The following ADGRL3 variants were observed in gnomAD, a reference collection of about 807,000 sequenced individuals.
ADGRL3 encodes the protein calcium-independent alpha-latrotoxin receptor 3.
A neutral mutation model predicts 153.5 loss-of-function variants in ADGRL3; 62 were observed. That is an observed-to-expected ratio of 0.40 (90% CI 0.33 to 0.50). The LOEUF (loss-of-function observed/expected upper bound fraction) is 0.50, where lower values mean the gene tolerates loss of function less well. ADGRL3 is among the 20% of genes least tolerant of loss of function. The pLI is 0.47. For missense variants in ADGRL3, 1,641 were observed against 1,859.4 expected (o/e 0.88, Z 2.16); for synonymous variants, 710 against 672.5 (o/e 1.06, Z -0.86).
intron 8 of ADGRL3, among the ~76,000 whole-genome samples, chr4:61,771,916 C>A (rs2097091826): frequency 6.6e-6 from 1 of 152,200 alleles, no homozygotes; most frequent in African/African-American, 2.4e-5. Context: ...ACAAGCTAGT[C>A]ATGCCAGTAG....
At position 61,644,767 on chromosome 4, in the gene ADGRL3, T is replaced by C. The variant is rs538813346; in HGVS notation, c.474-32059T>C. On this transcript the variant is annotated intron_variant, in intron 5 of 26. Coordinates refer to ENST00000683033, the MANE Select transcript of ADGRL3 (RefSeq NM_001387552.1). ...CTGAAAAAATGTATATTCTGTTGAT[T>C]TGGGGTGGAGAGTTCTGGAGATGTC... Among the ~76,000 whole-genome samples the C allele has an allele frequency of 3.3e-5, 5 of 152,292 alleles. No homozygotes were observed. In the South Asian group the frequency reaches 8.3e-4, roughly 25 times the overall value.
At chr4:61,877,804 C>A (rs2098484205) in intron 9 of ADGRL3, among the ~76,000 whole-genome samples, 1 of 152,056 alleles carries the variant, frequency 6.6e-6, no homozygotes, top group Admixed American at 6.6e-5. Flanking sequence ...AATTGTAATA[C>A]CCACATATCA....
At chr4:61,576,377 C>T (rs1267363475) in intron 4 of ADGRL3, among the ~76,000 whole-genome samples, 1 of 151,610 alleles carries the variant, frequency 6.6e-6, no homozygotes. Context: ...TAGTCTATCA[C>T]ATCCTGATTA....
chr4:61,813,921 C>T, intron 9 of ADGRL3, 32 bp downstream of exon 9: 4 of 1,609,578 alleles, frequency 2.5e-6, no homozygotes, highest in Non-Finnish European at 3.4e-6. Flanking sequence ...GAAAAAGTAA[C>T]TCTGCTCATT....
chr4:62,067,052 G>C (rs886700856), intron 25 of ADGRL3, among the ~76,000 whole-genome samples: 1 of 152,030 alleles, frequency 6.6e-6, no homozygotes, highest in African/African-American at 2.4e-5. Context: ...TACATCTCTC[G>C]ATATACTGGC....
intron 2 of ADGRL3, among the ~76,000 whole-genome samples, chr4:61,417,298 G>C (rs1001476809): frequency 6.6e-6 from 1 of 151,998 alleles, no homozygotes; most frequent in Non-Finnish European, 1.5e-5. Context: ...GACCAGCCTG[G>C]GCAACATAGT....
At chr4:61,354,338 A>G (rs769163922) in intron 1 of ADGRL3, among the ~76,000 whole-genome samples, 40 of 152,342 alleles carry the variant, frequency 2.6e-4, no homozygotes, top group Non-Finnish European at 4.7e-4. Context: ...TTTCAAATAC[A>G]TGAGAGTTCT....
At chr4:61,406,760 T>C (rs1355863107) in intron 2 of ADGRL3, among the ~76,000 whole-genome samples, 2 of 151,922 alleles carry the variant, frequency 1.3e-5, no homozygotes, top group Non-Finnish European at 2.9e-5. Context: ...ACAAGAAAAA[T>C]ATTCTGTACA....
chr4:61,698,767 G>T (rs750546559), intron 6 of ADGRL3, among the ~76,000 whole-genome samples: 2 of 152,296 alleles, frequency 1.3e-5, no homozygotes, highest in African/African-American at 4.8e-5. Context: ...TGCAGCCACA[G>T]CTTATAAACT....
At position 62,075,956 on chromosome 4, in the gene ADGRL3, A is replaced by G. The variant is rs1267374003; in HGVS notation, c.*5048A>G. On this transcript the variant is annotated 3_prime_UTR_variant, in exon 27 of 27. Transcript: ENST00000683033. ...TTAGGCCATAAGAAGAAACTTTCCT[A>G]TTTACTAATTAACACTGATTACACT... 4 of 152,100 alleles carry G rather than the reference A, an allele frequency of 2.6e-5. No individual in the cohort carries two copies. The highest frequency in any genetic ancestry group is 5.9e-5 in the Non-Finnish European group (4 of 67,992). 9.4% of individuals were successfully genotyped at this position (152,100 alleles called of 1,614,324 possible).
intron 21 of ADGRL3, among the ~76,000 whole-genome samples, chr4:62,004,935 C>T (rs2099152623): frequency 2.0e-5 from 3 of 151,914 alleles, no homozygotes; most frequent in South Asian, 4.1e-4. Flanking sequence ...TTAAACATTA[C>T]TAGAAATCAC....
chr4:61,740,304 G>A (rs1412419302), intron 8 of ADGRL3, among the ~76,000 whole-genome samples: 2 of 152,144 alleles, frequency 1.3e-5, no homozygotes, highest in African/African-American at 4.8e-5. Context: ...ATACTCAGCT[G>A]CTTTGCAGGT....
chr4:61,572,340 T>C (rs1488023168), intron 4 of ADGRL3, among the ~76,000 whole-genome samples: 4 of 152,140 alleles, frequency 2.6e-5, no homozygotes, highest in Non-Finnish European at 5.9e-5. Context: ...TTGTGTGCAG[T>C]TATTCTTCCT....
At chr4:61,245,514 C>A (rs922709228) in intron 1 of ADGRL3, among the ~76,000 whole-genome samples, 2 of 152,060 alleles carry the variant, frequency 1.3e-5, no homozygotes, top group South Asian at 4.1e-4. Flanking sequence ...GTGTACAACA[C>A]AAGAGGCATT....
At chr4:61,582,658 T>A (rs2098930862) in intron 4 of ADGRL3, among the ~76,000 whole-genome samples, 1 of 151,762 alleles carries the variant, frequency 6.6e-6, no homozygotes, top group African/African-American at 2.4e-5. Context: ...AAAAAACAGA[T>A]TTGACTAGGA....
chr4:61,565,225 T>C (rs1016133150), intron 4 of ADGRL3, among the ~76,000 whole-genome samples: 4 of 152,144 alleles, frequency 2.6e-5, no homozygotes, highest in Admixed American at 2.0e-4. Context: ...TGTATGTATA[T>C]ACACACACAT....
chr4:61,259,637 C>T (rs921110632), intron 1 of ADGRL3, among the ~76,000 whole-genome samples: 2 of 152,042 alleles, frequency 1.3e-5, no homozygotes, highest in African/African-American at 4.8e-5. Context: ...TCCATATGCT[C>T]GCCGCTGAAA....
intron 1 of ADGRL3, among the ~76,000 whole-genome samples, chr4:61,285,287 T>A (rs770908809): frequency 6.6e-6 from 1 of 151,876 alleles, no homozygotes; most frequent in Non-Finnish European, 1.5e-5. Flanking sequence ...CAAATATTTA[T>A]TGACAAATGG....
At chr4:61,370,869 C>G (rs1391539067) in intron 1 of ADGRL3, among the ~76,000 whole-genome samples, 1 of 151,898 alleles carries the variant, frequency 6.6e-6, no homozygotes, top group Non-Finnish European at 1.5e-5. Flanking sequence ...GAGTCTAAGT[C>G]TCTTTGTAGG....
Sources: gnomAD v4.1 joint callset for allele counts (sites outside exome capture counted in the v4.1 genomes callset) on GRCh38, gnomAD v4.1.1 for gene constraint, MANE v1.5 for transcripts, NCBI Gene and HGNC (gene_info 2026-07-23, HGNC 2026-07-21) for gene names.